Variants in DOCK9 observed in about 807,000 individuals in gnomAD.
DOCK9 encodes the protein dedicator of cytokinesis 9.
In DOCK9, 89 loss-of-function variants were observed where a neutral mutation model predicts 263.3. The observed-to-expected ratio is 0.34, with a 90% CI of 0.28 to 0.40. The LOEUF is 0.40. DOCK9 is among the 10% of genes least tolerant of loss of function. The probability of loss-of-function intolerance (pLI) is 1.00; values close to 1 mark genes in which losing one functional copy is unlikely to be tolerated. For missense variants in DOCK9, 2,140 were observed against 2,603.4 expected, an observed-to-expected ratio of 0.82 and a Z score of 3.87; for synonymous variants, 976 against 973.1, an observed-to-expected ratio of 1.00 and a Z score of -0.06.
chr13:98,802,611 C>T (rs1402051768), intron 49 of DOCK9, among the ~76,000 whole-genome samples: 1 of 152,182 alleles, frequency 6.6e-6, no homozygotes, highest in African/African-American at 2.4e-5. Flanking sequence ...TCCTCGCCCC[C>T]CTTCTTTGGG....
intron 1 of DOCK9, among the ~76,000 whole-genome samples, chr13:99,003,010 C>T (rs527335006): frequency 2.0e-5 from 3 of 151,994 alleles, no homozygotes; most frequent in Non-Finnish European, 4.4e-5. Context: ...GTCTGCTCTT[C>T]TGATGGAGGG....
At chr13:98,963,305 A>G (rs1595688219) in intron 1 of DOCK9, among the ~76,000 whole-genome samples, 2 of 152,312 alleles carry the variant, frequency 1.3e-5, no homozygotes, top group South Asian at 4.1e-4. Context: ...GCAAATTGAA[A>G]TTCCAGATCA....
At chr13:98,887,143 A>ATATATATAT (rs1470080750) in intron 18 of DOCK9, among the ~76,000 whole-genome samples, 1 of 95,286 alleles carries the variant, frequency 1.0e-5, no homozygotes, top group African/African-American at 4.3e-5. Context: ...ATATATATAT[A>ATATATATAT]TTTTTTTTTT....
intron 1 of DOCK9, among the ~76,000 whole-genome samples, chr13:99,040,757 C>A (rs1265901423): frequency 6.6e-6 from 1 of 152,198 alleles, no homozygotes; most frequent in East Asian, 1.9e-4. Context: ...AGGGAGGACA[C>A]AAATCATAAT....
chr13:98,887,703 G>A (rs905323539), intron 18 of DOCK9, among the ~76,000 whole-genome samples: 2 of 144,620 alleles, frequency 1.4e-5, no homozygotes. Context: ...ACACACACTA[G>A]AGCAGTGCCT....
In DOCK9 at chr13:98,920,647, A is replaced by G. The variant is rs541348444; in HGVS notation, c.717+307T>C. ...AATATTTTCCTGCACTGATTCATCC[A>G]ATGTACTCATTTGCCGTATTAAAGA... On this transcript the variant is annotated intron_variant, in intron 7 of 52. Transcript: ENST00000682017. Among the ~76,000 whole-genome samples the G allele has an allele frequency of 1.4e-4, 21 of 152,346 alleles. No individual in the cohort carries two copies. The South Asian group carries it at 4.4e-3, about 32-fold the overall frequency.
chr13:98,861,863 C>T (rs768914159), intron 32 of DOCK9, among the ~76,000 whole-genome samples: 2 of 152,124 alleles, frequency 1.3e-5, no homozygotes, highest in Admixed American at 6.5e-5. Context: ...GAGGTGGAGC[C>T]TCATGTCCCT....
At chr13:98,903,165 ACAT>A in intron 10 of DOCK9, 53 bp from the exon 11 acceptor site, 1 of 1,369,318 alleles carries the variant, frequency 7.3e-7, no homozygotes. Flanking sequence ...TTTTAAAAAA[ACAT>A]CATAAATGCA....
chr13:98,886,628 A>G lies in DOCK9; in HGVS notation c.2044-4T>C. Reference sequence around the variant, plus strand: ...CACCAGGTCTGCCATAAATGCACTAAAATAAGAGTTACCAAAGGGAAACAT... The same window carrying G: ...CACCAGGTCTGCCATAAATGCACTAGAATAAGAGTTACCAAAGGGAAACAT... On this transcript the variant is annotated splice_polypyrimidine_tract_variant and splice_region_variant and intron_variant, in intron 18 of 52. Coordinates refer to ENST00000682017, the MANE Select transcript of DOCK9 (RefSeq NM_001366683.2). 2 of 1,612,660 alleles carry G rather than the reference A, an allele frequency of 1.2e-6. No individual in the cohort carries two copies. Among genetic ancestry groups the G allele is most frequent in the African/African-American group, 1.3e-5 (1 of 74,976 alleles).
chr13:98,871,247 T>G (rs549531669), intron 27 of DOCK9, among the ~76,000 whole-genome samples: 1 of 152,226 alleles, frequency 6.6e-6, no homozygotes, highest in Non-Finnish European at 1.5e-5. Flanking sequence ...AGGGTGGGTA[T>G]GTATCAAGCA....
chr13:98,961,523 G>T (rs1260942872), intron 1 of DOCK9, among the ~76,000 whole-genome samples: 1 of 152,174 alleles, frequency 6.6e-6, no homozygotes, highest in East Asian at 1.9e-4. Context: ...ATAGCACTTC[G>T]CATGTAACTG....
At chr13:99,071,801 T>A (rs1254287236) in intron 1 of DOCK9, among the ~76,000 whole-genome samples, 1 of 152,228 alleles carries the variant, frequency 6.6e-6, no homozygotes, top group Non-Finnish European at 1.5e-5. Flanking sequence ...CTTAAAGGGA[T>A]CCATGCCATA....
intron 30 of DOCK9, chr13:98,866,981 G>A (rs1566776494): frequency 2.8e-6 from 1 of 359,338 alleles, no homozygotes; most frequent in Non-Finnish European, 5.3e-6. Context: ...AACAGCATAT[G>A]GAAGCAGTTC....
chr13:98,960,831 A>C (rs1275737048), intron 1 of DOCK9, among the ~76,000 whole-genome samples: 1 of 152,230 alleles, frequency 6.6e-6, no homozygotes, highest in Admixed American at 6.5e-5. Flanking sequence ...ATGATGCCCC[A>C]GGAACTACAT....
At chr13:99,022,372 T>A (rs1489491748) in intron 1 of DOCK9, among the ~76,000 whole-genome samples, 5 of 152,192 alleles carry the variant, frequency 3.3e-5, no homozygotes, top group Non-Finnish European at 7.3e-5. Context: ...TTGCTAATAG[T>A]GTTATTTAAA....
intron 2 of DOCK9, among the ~76,000 whole-genome samples, chr13:98,951,788 G>A (rs746256416): frequency 3.9e-5 from 6 of 152,178 alleles, no homozygotes; most frequent in Admixed American, 6.5e-5. Context: ...ATCCCCAAGC[G>A]ACAGGATCTG....
intron 1 of DOCK9, among the ~76,000 whole-genome samples, chr13:99,023,635 T>C (rs118092231): frequency 0.028 from 4,228 of 152,340 alleles, 98 homozygotes; most frequent in South Asian, 0.065. Context: ...ATAAATCTTA[T>C]GTTACAGGTA....
At position 99,061,933 on chromosome 13, in the gene DOCK9, G is replaced by A. The variant is rs181310646; in HGVS notation, c.129+24290C>T. Among the ~76,000 whole-genome samples, 7 of 151,644 alleles carry A rather than the reference G, an allele frequency of 4.6e-5. No individual in the cohort carries two copies. The East Asian group carries it at 1.2e-3, about 25-fold the overall frequency. ...GCTGCCCAGACTGAAGTACAATGGC[G>A]CCATCACAGCTCACCGCAGCCTCTA... is the stretch of plus-strand genomic sequence containing the variant. On this transcript the variant is annotated intron_variant, in intron 1 of 32. Transcript: ENST00000427887.
At chr13:99,046,546 A>G (rs2040443543) in intron 1 of DOCK9, among the ~76,000 whole-genome samples, 1 of 152,160 alleles carries the variant, frequency 6.6e-6, no homozygotes, top group South Asian at 2.1e-4. Context: ...GACAGTAAAC[A>G]CCTCATAGAA....
Sources: allele counts gnomAD v4.1 joint callset (sites outside exome capture counted in the v4.1 genomes callset), GRCh38; gene constraint gnomAD v4.1.1; transcripts MANE v1.5; gene names NCBI Gene and HGNC (gene_info 2026-07-23, HGNC 2026-07-21).